The following ADAT1 variants were observed in gnomAD, a reference collection of about 807,000 sequenced individuals.
ADAT1 encodes the protein tRNA-specific adenosine deaminase 1.
In ADAT1, 58 loss-of-function variants were observed where a neutral mutation model predicts 58.6. That is an observed-to-expected ratio of 0.99 (90% CI 0.80 to 1.23). ADAT1 has a LOEUF of 1.23. Among genes scored for constraint, ADAT1 ranks in the 50% most tolerant of loss-of-function variants. The pLI is 0.00. For synonymous variants in ADAT1, 254 were observed against 220.8 expected, an observed-to-expected ratio of 1.15 and a Z score of -1.33; for missense variants, 741 against 608.6, an observed-to-expected ratio of 1.22 and a Z score of -2.29.
At position 75,598,249 on chromosome 16, in the gene ADAT1, G is replaced by C. The variant is rs1000052965; in HGVS notation, c.*1967C>G. ...GCGCCAATACACCTGGCTAATTTTT[G>C]TATTTTTAGTAGAAAGGGGCTTCAC... On this transcript the variant is annotated 3_prime_UTR_variant, in exon 10 of 10. Transcript: ENST00000564657. 8.0e-5 allele frequency: 29 copies of C among 362,250 alleles called. No individual in the cohort carries two copies. Among genetic ancestry groups the C allele is most frequent in the African/African-American group, 6.3e-4 (28 of 44,752 alleles). 22.4% of individuals were successfully genotyped at this position (362,250 alleles called of 1,614,324 possible). A position where few individuals can be genotyped will look rare whatever the true frequency, so the allele number is the denominator to read the frequency against.
chr16:75,608,964 T>C lies in ADAT1; in HGVS notation c.1068A>G (p.Pro356=), dbSNP rs760667346. 3 of 1,614,090 alleles carry C rather than the reference T, an allele frequency of 1.9e-6. No individual in the cohort carries two copies. In the African/African-American group the frequency reaches 4.0e-5, roughly 22 times the overall value. ...TTAATTCTTGAACTCCGAAGCCTTT[T>C]GGTAAAGCAGACACATTCTGACACC... ...IGRCQNVSAL[P]KGFGVQELKI... is the part of the protein sequence containing the mutation. Residue 356 remains proline (P), a synonymous_variant, in exon 7 of 10, where the codon CCA becomes CCG. Coordinates refer to ENST00000564657, the MANE Select transcript of ADAT1 (RefSeq NM_001324445.2).
chr16:75,617,340 G>A, intron 4 of ADAT1, 68 bp from the exon 5 acceptor site: 8 of 1,557,144 alleles, frequency 5.1e-6, no homozygotes, highest in Non-Finnish European at 5.3e-6. Flanking sequence ...CCTCTGGTTG[G>A]GTGATTACTA....
At chr16:75,618,824 C>G (rs921357747) in intron 3 of ADAT1, 184 bp from the exon 4 acceptor site, 25 of 614,100 alleles carry the variant, frequency 4.1e-5, no homozygotes, top group Middle Eastern at 4.6e-4. Flanking sequence ...CAACCCAGCA[C>G]TGTAGACATT....
chr16:75,609,519 C>T (rs2081464151), intron 6 of ADAT1, among the ~76,000 whole-genome samples: 1 of 151,930 alleles, frequency 6.6e-6, no homozygotes, highest in African/African-American at 2.4e-5. Flanking sequence ...AAACAAAAAA[C>T]CAACATCTTT....
chr16:75,606,613 T>G (rs1170451613), intron 8 of ADAT1, among the ~76,000 whole-genome samples: 1 of 152,198 alleles, frequency 6.6e-6, no homozygotes, highest in Non-Finnish European at 1.5e-5. Context: ...GTAACCATTT[T>G]GGAACAGGAT....
Position 75,599,579 on chromosome 16 carries a change from T to C in ADAT1, c.*637A>G, listed in dbSNP as rs2081168928. The C allele has an allele frequency of 3.0e-6, 3 of 986,014 alleles. No homozygotes were observed. The highest frequency in any genetic ancestry group is 6.1e-5 in the Admixed American group (1 of 16,294). The allele number at this position is 986,014 out of a possible 1,614,324, so 61.1% of individuals were successfully genotyped here. ...GCTTTCTCTAGGTAGTAGGAAAAGATGGCCACCGGCAGTCCCATGATTATG... is the reference window on the plus strand; with the variant it reads ...GCTTTCTCTAGGTAGTAGGAAAAGACGGCCACCGGCAGTCCCATGATTATG... On this transcript the variant is annotated 3_prime_UTR_variant, in exon 10 of 10. Coordinates refer to ENST00000564657, the MANE Select transcript of ADAT1 (RefSeq NM_001324445.2).
intron 9 of ADAT1, 132 bp downstream of exon 9, chr16:75,602,953 G>C (rs2081268276): frequency 2.7e-6 from 2 of 751,172 alleles, no homozygotes; most frequent in Non-Finnish European, 4.6e-6. Flanking sequence ...GGGGAAAGAA[G>C]AACTTGTGGT....
At chr16:75,613,865 T>C (rs1341375043) in intron 5 of ADAT1, among the ~76,000 whole-genome samples, 2 of 152,030 alleles carry the variant, frequency 1.3e-5, no homozygotes, top group Non-Finnish European at 2.9e-5. Flanking sequence ...CTAAGATGCT[T>C]TGGAAAACAA....
intron 4 of ADAT1, 49 bp downstream of exon 4, chr16:75,618,537 G>T: frequency 7.5e-7 from 1 of 1,339,804 alleles, no homozygotes; most frequent in South Asian, 1.4e-5. Context: ...TAAATTCCGG[G>T]ACTCCCACCC....
intron 4 of ADAT1, among the ~76,000 whole-genome samples, chr16:75,618,308 C>A (rs1488705696): frequency 6.6e-6 from 1 of 151,728 alleles, no homozygotes; most frequent in South Asian, 2.1e-4. Flanking sequence ...AGTTTAAAAC[C>A]AGCCTGGCCA....
At chr16:75,620,422 G>T (rs2081894675) in intron 2 of ADAT1, 88 bp from the exon 3 acceptor site, 12 of 1,483,850 alleles carry the variant, frequency 8.1e-6, no homozygotes, top group Non-Finnish European at 1.1e-5. Flanking sequence ...CTCCTCTAGG[G>T]GATTCCCAGA....
chr16:75,608,160 G>A, intron 8 of ADAT1, 64 bp downstream of exon 8: 2 of 1,394,010 alleles, frequency 1.4e-6, no homozygotes, highest in Non-Finnish European at 2.0e-6. Flanking sequence ...AAATGTTCTA[G>A]AATTAGATAG....
At position 75,599,990 on chromosome 16, in the gene ADAT1, G is replaced by A; in HGVS notation, c.*226C>T. On this transcript the variant is annotated 3_prime_UTR_variant, in exon 10 of 10. Coordinates refer to ENST00000564657, the MANE Select transcript of ADAT1 (RefSeq NM_001324445.2). ...TTTAGAGAAGCAATAAAACACAATGGAAGTCAGATAGTGAGGTCATTAGTG... is the reference window on the plus strand; with the variant it reads ...TTTAGAGAAGCAATAAAACACAATGAAAGTCAGATAGTGAGGTCATTAGTG... 3.1e-6 allele frequency: 4 copies of A among 1,283,208 alleles called. No individual in the cohort carries two copies. Among genetic ancestry groups the A allele is most frequent in the Non-Finnish European group, 4.0e-6 (4 of 1,012,304 alleles). 79.5% of individuals were successfully genotyped at this position (1,283,208 alleles called of 1,614,324 possible). A position where few individuals can be genotyped will look rare whatever the true frequency, so the allele number is the denominator to read the frequency against.
chr16:75,617,289 G>GTT lies in ADAT1; in HGVS notation c.294-19_294-18dup, dbSNP rs1292623621. On this transcript the variant is annotated splice_polypyrimidine_tract_variant and intron_variant, in intron 4 of 9. Transcript: ENST00000564657. ...AGAAGGTACCTAAGGGTTGCAAGAT[G>GTT]TTATTAGGATGAACAACCGATCTCT... is the stretch of plus-strand genomic sequence containing the variant. 5.0e-6 allele frequency: 8 copies of GTT among 1,607,334 alleles called. No individual in the cohort carries two copies. The highest frequency in any genetic ancestry group is 6.8e-6 in the Non-Finnish European group (8 of 1,174,574).
intron 5 of ADAT1, 131 bp downstream of exon 5, chr16:75,617,011 T>C (rs1011597158): frequency 1.7e-5 from 19 of 1,106,728 alleles, no homozygotes; most frequent in Non-Finnish European, 2.3e-5. Flanking sequence ...CTGTCACTAC[T>C]TGTGGCTACT....
chr16:75,602,479 A>C (rs1388647504), intron 9 of ADAT1, among the ~76,000 whole-genome samples: 2 of 152,206 alleles, frequency 1.3e-5, no homozygotes, highest in Admixed American at 6.5e-5. Context: ...CTGAACGTGA[A>C]GGGGAGTGGA....
rs776929435 is a variant in ADAT1 at position 75,599,807 on chromosome 16, A to C, written c.*409T>G. The C allele has an allele frequency of 1.1e-5, 11 of 993,152 alleles. No homozygotes were observed. The highest frequency in any genetic ancestry group is 1.2e-5 in the Non-Finnish European group (10 of 834,672). The allele number at this position is 993,152 out of a possible 1,614,324, so 61.5% of individuals were successfully genotyped here. ...GAAGAAAGAAAGGCTGGGAATACAA[A>C]ATATATATTCGCTATGCTAGGCAAA... On this transcript the variant is annotated 3_prime_UTR_variant, in exon 10 of 10. Coordinates refer to ENST00000564657, the MANE Select transcript of ADAT1 (RefSeq NM_001324445.2).
In ADAT1 at chr16:75,612,459, G is replaced by GGTGA. The variant is rs777195419; in HGVS notation, c.826_827insTCAC (p.Ala276ValfsTer26). 38 of 1,614,066 alleles carry GGTGA rather than the reference G, an allele frequency of 2.4e-5. 2 individuals carry two copies. The Admixed American group carries it at 5.8e-4, about 25-fold the overall frequency. Reference sequence around the variant, plus strand: ...GAGCAGCCCCACCTGGTGAAACGCAGCACCCGGCTTTCCGGAGTCTCCAGC... The same window carrying GGTGA: ...GAGCAGCCCCACCTGGTGAAACGCAGGTGACACCCGGCTTTCCGGAGTCTCCAGC... On this transcript the variant is annotated frameshift_variant, in exon 6 of 10. Transcript: ENST00000564657. LOFTEE classifies it high-confidence loss of function.
Position 75,608,215 on chromosome 16 carries a change from A to G in ADAT1, c.1289+9T>C. The G allele has an allele frequency of 6.2e-7, 1 of 1,612,644 alleles. No individual in the cohort carries two copies. Among genetic ancestry groups the G allele is most frequent in the Non-Finnish European group, 8.5e-7 (1 of 1,178,802 alleles). ...AGCCACCATCTCCTCCTGCCCCAATATGCTGTACCTTGCCTGAAGGCTTCC... is the reference window on the plus strand; with the variant it reads ...AGCCACCATCTCCTCCTGCCCCAATGTGCTGTACCTTGCCTGAAGGCTTCC... On this transcript the variant is annotated intron_variant, in intron 8 of 9. Coordinates refer to ENST00000564657, the MANE Select transcript of ADAT1 (RefSeq NM_001324445.2).
Sources: gnomAD v4.1 joint callset for allele counts (sites outside exome capture counted in the v4.1 genomes callset) on GRCh38, gnomAD v4.1.1 for gene constraint, MANE v1.5 for transcripts, NCBI Gene and HGNC (gene_info 2026-07-23, HGNC 2026-07-21) for gene names.